Variants in TMEM50B observed in about 807,000 individuals in gnomAD.
The protein encoded by TMEM50B is transmembrane protein 50B, also known as HCV p7-trans-regulated protein 3.
In TMEM50B, 14 loss-of-function variants were observed where a neutral mutation model predicts 23.4. The observed-to-expected ratio is 0.60, with a 90% CI of 0.39 to 0.93. The LOEUF is 0.93. Ranked by LOEUF, TMEM50B falls within the 40% of genes least tolerant of loss-of-function variation. The pLI is 0.00. For synonymous variants in TMEM50B, 64 were observed against 62.3 expected (o/e 1.03, Z -0.13); for missense variants, 159 against 193.0 (o/e 0.82, Z 1.04).
intron 8 of TMEM50B, chr21:33,436,733 A>T (rs1472636097): frequency 9.7e-7 from 1 of 1,032,824 alleles, no homozygotes; most frequent in African/African-American, 1.7e-5. Context: ...AAAAAAATAA[A>T]AATAAAAATA....
At chr21:33,454,666 AATTT>A (rs1320309769) in intron 6 of TMEM50B, among the ~76,000 whole-genome samples, 9 of 151,624 alleles carry the variant, frequency 5.9e-5, no homozygotes, top group Admixed American at 5.9e-4. Flanking sequence ...TGTTGTTGTT[AATTT>A]TTTTTTTCCC....
chr21:33,436,873 G>A, intron 8 of TMEM50B: 1 of 1,614,044 alleles, frequency 6.2e-7, no homozygotes, highest in Non-Finnish European at 8.5e-7. Context: ...CTTGGACAAG[G>A]ACAGCTCACC....
intron 8 of TMEM50B, among the ~76,000 whole-genome samples, chr21:33,433,779 C>A (rs923737023): frequency 1.6e-5 from 2 of 124,460 alleles, no homozygotes; most frequent in African/African-American, 7.4e-5. Context: ...GTGTATTTTA[C>A]CACAATTTAA....
chr21:33,461,037 T>C (rs1175274840), intron 4 of TMEM50B, among the ~76,000 whole-genome samples: 1 of 152,210 alleles, frequency 6.6e-6, no homozygotes, highest in African/African-American at 2.4e-5. Flanking sequence ...GAAGTATCTC[T>C]TCAACCCTGT....
intron 8 of TMEM50B, chr21:33,436,736 T>TAAA: frequency 9.8e-7 from 1 of 1,022,544 alleles, no homozygotes; most frequent in Non-Finnish European, 1.4e-6. Context: ...AAAATAAAAA[T>TAAA]AAAAATAAAA....
At chr21:33,465,517 G>A (rs1356836529) in intron 3 of TMEM50B, 108 bp from the exon 4 acceptor site, 4 of 770,352 alleles carry the variant, frequency 5.2e-6, no homozygotes, top group Middle Eastern at 3.8e-4. Flanking sequence ...ACTAAAATCA[G>A]TATCTGAATA....
At chr21:33,437,085 C>A in intron 8 of TMEM50B, 1 of 944,480 alleles carries the variant, frequency 1.1e-6, no homozygotes, top group East Asian at 2.5e-5. Context: ...AGGCCTGTCC[C>A]TGCAGACATG....
intron 6 of TMEM50B, among the ~76,000 whole-genome samples, chr21:33,451,211 T>G (rs1332798416): frequency 9.8e-5 from 15 of 152,316 alleles, no homozygotes; most frequent in Non-Finnish European, 4.4e-5. Context: ...ATTAGGGCCA[T>G]TTTATGTCTC....
chr21:33,459,474 T>C (rs1391746212), intron 5 of TMEM50B, among the ~76,000 whole-genome samples: 1 of 152,108 alleles, frequency 6.6e-6, no homozygotes, highest in Non-Finnish European at 1.5e-5. Context: ...GAGACCAGCC[T>C]GGCCAACATG....
At chr21:33,460,235 T>G (rs2084205040) in intron 5 of TMEM50B, 178 bp downstream of exon 5, 1 of 555,940 alleles carries the variant, frequency 1.8e-6, no homozygotes, top group Non-Finnish European at 3.2e-6. Flanking sequence ...ACCAGGGCTA[T>G]CCTACTGCAC....
rs141163650 is a variant in TMEM50B at position 33,472,804 on chromosome 21, G to A, written c.-41-3878C>T. Among the ~76,000 whole-genome samples the A allele has an allele frequency of 7.4e-4, 113 of 151,940 alleles. No individual in the cohort carries two copies. The East Asian group carries it at 0.017, about 23-fold the overall frequency. ...GGAGGATCACTTGAACCTGGGAGGC[G>A]GAGGTTGCAGTGAGCCAAGATCACA... On this transcript the variant is annotated intron_variant, in intron 1 of 6. Coordinates refer to ENST00000542230, the MANE Select transcript of TMEM50B (RefSeq NM_006134.7).
At chr21:33,478,492 G>A (rs1260736330) in intron 1 of TMEM50B, among the ~76,000 whole-genome samples, 2 of 151,970 alleles carry the variant, frequency 1.3e-5, no homozygotes, top group African/African-American at 2.4e-5. Flanking sequence ...GGAAAATGAG[G>A]ATAAAATACG....
At chr21:33,453,150 T>C (rs576929922) in intron 6 of TMEM50B, among the ~76,000 whole-genome samples, 1 of 152,302 alleles carries the variant, frequency 6.6e-6, no homozygotes, top group East Asian at 1.9e-4. Flanking sequence ...TCAGCAATGG[T>C]GTGATCTCAG....
chr21:33,478,994 C>G (rs1601141111), intron 1 of TMEM50B: 2 of 342,056 alleles, frequency 5.8e-6, no homozygotes, highest in African/African-American at 4.3e-5. Flanking sequence ...CACCCCGTCC[C>G]GTCCGAGGCC....
At chr21:33,445,039 G>A (rs370941901), downstream of TMEM50B, among the ~76,000 whole-genome samples, 11 of 149,318 alleles carry the variant, frequency 7.4e-5, no homozygotes, top group South Asian at 8.4e-4. Flanking sequence ...TGGGAGGATC[G>A]CTTGAGCCTG....
intron 6 of TMEM50B, among the ~76,000 whole-genome samples, chr21:33,452,598 A>T (rs1195321258): frequency 2.0e-5 from 3 of 152,224 alleles, no homozygotes; most frequent in Non-Finnish European, 4.4e-5. Context: ...TAGGGGGACA[A>T]ATCAGTCCTG....
At chr21:33,444,817 A>AAAAAAG (rs1271815428), downstream of TMEM50B, among the ~76,000 whole-genome samples, 200 of 150,590 alleles carry the variant, frequency 1.3e-3, 1 homozygote, top group Middle Eastern at 6.9e-3. Context: ...AAAAAAAAAA[A>AAAAAAG]AAAGAAAGAA....
At chr21:33,453,603 T>C (rs983859909) in intron 6 of TMEM50B, among the ~76,000 whole-genome samples, 5 of 151,932 alleles carry the variant, frequency 3.3e-5, no homozygotes, top group East Asian at 1.9e-4. Flanking sequence ...TATAAACCTA[T>C]AGATCCAAGA....
chr21:33,464,198 A>AT (rs34153471), intron 4 of TMEM50B, among the ~76,000 whole-genome samples: 70,874 of 140,342 alleles, frequency 0.51, 20,789 homozygotes, highest in Non-Finnish European at 0.68. Context: ...TATAATGTAA[A>AT]TTTTTTTTTT....
Sources: gnomAD v4.1 joint callset for allele counts (sites outside exome capture counted in the v4.1 genomes callset) on GRCh38, gnomAD v4.1.1 for gene constraint, MANE v1.5 for transcripts, NCBI Gene and HGNC (gene_info 2026-07-23, HGNC 2026-07-21) for gene names.